Variants in QRFP observed in about 807,000 individuals in gnomAD.
QRFP encodes the protein orexigenic neuropeptide QRFP.
A neutral mutation model predicts 9.1 loss-of-function variants in QRFP; 7 were observed. The observed-to-expected ratio is 0.77, with a 90% CI of 0.44 to 1.45. QRFP has a LOEUF of 1.45. Ranked by LOEUF, QRFP falls within the 40% of genes most tolerant of loss-of-function variation. The pLI is 0.01. For missense variants in QRFP, 204 were observed against 185.4 expected, an observed-to-expected ratio of 1.10 and a Z score of -0.58; for synonymous variants, 91 against 80.2, an observed-to-expected ratio of 1.13 and a Z score of -0.72.
chr9:130,894,483 G>A (rs1229117628), intron 2 of QRFP, among the ~76,000 whole-genome samples: 3 of 152,114 alleles, frequency 2.0e-5, no homozygotes, highest in Non-Finnish European at 4.4e-5. Flanking sequence ...CTGCTTGGTA[G>A]GTCCGGCCAG....
In QRFP at chr9:130,893,384, G is replaced by A. The variant is rs370369553; in HGVS notation, c.*44C>T. On this transcript the variant is annotated 3_prime_UTR_variant, in exon 3 of 3. Coordinates refer to ENST00000623824, the MANE Select transcript of QRFP (RefSeq NM_198180.3). Reference sequence around the variant, plus strand: ...GGAGAAGGCAGGAGTGAAGACAATGGGGGTGAGTCCAAGAAGCAAATCCTT... The same window carrying A: ...GGAGAAGGCAGGAGTGAAGACAATGAGGGTGAGTCCAAGAAGCAAATCCTT... 3.3e-6 allele frequency: 5 copies of A among 1,523,370 alleles called. No homozygotes were observed. In the Middle Eastern group the frequency reaches 7.1e-4, roughly 216 times the overall value. The allele number at this position is 1,523,370 out of a possible 1,614,324, so 94.4% of individuals were successfully genotyped here.
chr9:130,894,095 G>A (rs773916950), intron 2 of QRFP, among the ~76,000 whole-genome samples: 17 of 152,222 alleles, frequency 1.1e-4, no homozygotes, highest in African/African-American at 3.6e-4. Context: ...TAAATCCACC[G>A]CTGCTGGCTG....
At position 130,896,711 on chromosome 9, in the gene QRFP, G is replaced by A. The variant is rs1196180207; in HGVS notation, c.-420C>T. ...CTGAGCGCCCAGGTTCGGGCGGAGG[G>A]TCTGCGGATTGAAGCCGATGACTGA... On this transcript the variant is annotated 5_prime_UTR_variant, in exon 1 of 3. Coordinates refer to ENST00000623824, the MANE Select transcript of QRFP (RefSeq NM_198180.3). The A allele has an allele frequency of 6.6e-6, 1 of 152,284 alleles. No individual in the cohort carries two copies. Among genetic ancestry groups the A allele is most frequent in the Admixed American group, 6.5e-5 (1 of 15,286 alleles). The allele number at this position is 152,284 out of a possible 1,614,324, so 9.4% of individuals were successfully genotyped here. A position where few individuals can be genotyped will look rare whatever the true frequency, so the allele number is the denominator to read the frequency against.
At chr9:130,896,286 G>C (rs1170951455) in intron 1 of QRFP, among the ~76,000 whole-genome samples, 1 of 152,236 alleles carries the variant, frequency 6.6e-6, no homozygotes, top group Non-Finnish European at 1.5e-5. Context: ...TCAGCGGCCT[G>C]TTACCCAGGA....
Position 130,893,199 on chromosome 9 carries a change from C to T in QRFP, c.*229G>A, listed in dbSNP as rs545952340. 5.7e-5 allele frequency: 23 copies of T among 406,312 alleles called. No individual in the cohort carries two copies. The highest frequency in any genetic ancestry group is 6.4e-4 in the Middle Eastern group (1 of 1,570). 25.2% of individuals were successfully genotyped at this position (406,312 alleles called of 1,614,324 possible). On this transcript the variant is annotated 3_prime_UTR_variant, in exon 3 of 3. Coordinates refer to ENST00000623824, the MANE Select transcript of QRFP (RefSeq NM_198180.3). Reference sequence around the variant, plus strand: ...CCCCAGGGGAAGAGAGAGGCTGGGACGACCGAGGCTCCAAGACAGCCTCCT... The same window carrying T: ...CCCCAGGGGAAGAGAGAGGCTGGGATGACCGAGGCTCCAAGACAGCCTCCT...
intron 2 of QRFP, among the ~76,000 whole-genome samples, chr9:130,895,322 G>A (rs928159576): frequency 1.3e-5 from 2 of 152,188 alleles, no homozygotes; most frequent in African/African-American, 4.8e-5. Context: ...TGGGTGTCTA[G>A]AAAGGAGACA....
rs1831701906 is a variant in QRFP, at chr9:130,892,879, G to C, written c.*549C>G. The C allele has an allele frequency of 6.6e-6, 1 of 152,332 alleles. No individual in the cohort carries two copies. The highest frequency in any genetic ancestry group is 2.4e-5 in the African/African-American group (1 of 41,470). The allele number at this position is 152,332 out of a possible 1,614,324, so 9.4% of individuals were successfully genotyped here. On this transcript the variant is annotated 3_prime_UTR_variant, in exon 3 of 3. Transcript: ENST00000623824. ...GCGGAGAAGGGCTGCGGTCAGAGGG[G>C]CAGGCAAACCACAGCAGGGGCTTCT... is the stretch of plus-strand genomic sequence containing the variant.
In QRFP at chr9:130,893,198, A is replaced by G. The variant is rs1198052745; in HGVS notation, c.*230T>C. ...GCCCCAGGGGAAGAGAGAGGCTGGG[A>G]CGACCGAGGCTCCAAGACAGCCTCC... On this transcript the variant is annotated 3_prime_UTR_variant, in exon 3 of 3. Coordinates refer to ENST00000623824, the MANE Select transcript of QRFP (RefSeq NM_198180.3). 5.0e-6 allele frequency: 2 copies of G among 400,450 alleles called. No individual in the cohort carries two copies. Among genetic ancestry groups the G allele is most frequent in the Non-Finnish European group, 8.7e-6 (2 of 228,956 alleles). 24.8% of individuals were successfully genotyped at this position (400,450 alleles called of 1,614,324 possible).
chr9:130,894,982 C>T (rs1341687050), intron 2 of QRFP, among the ~76,000 whole-genome samples: 2 of 152,100 alleles, frequency 1.3e-5, no homozygotes, highest in African/African-American at 2.4e-5. Flanking sequence ...GTACAGGAGT[C>T]CCCAGAGCCC....
chr9:130,893,880 G>C, intron 2 of QRFP, 42 bp from the exon 3 acceptor site: 1 of 1,478,142 alleles, frequency 6.8e-7, no homozygotes, highest in Non-Finnish European at 9.0e-7. Flanking sequence ...GGCTGCACAC[G>C]TGGCCAAGCG....
In QRFP at chr9:130,893,325, ACAT is replaced by A; in HGVS notation, c.*100_*102del. 1 of 1,230,434 alleles carries A rather than the reference ACAT, an allele frequency of 8.1e-7. No individual in the cohort carries two copies. Among genetic ancestry groups the A allele is most frequent in the Non-Finnish European group, 1.1e-6 (1 of 880,130 alleles). The allele number at this position is 1,230,434 out of a possible 1,614,324, so 76.2% of individuals were successfully genotyped here. A position where few individuals can be genotyped will look rare whatever the true frequency, so the allele number is the denominator to read the frequency against. On this transcript the variant is annotated 3_prime_UTR_variant, in exon 3 of 3. Coordinates refer to ENST00000623824, the MANE Select transcript of QRFP (RefSeq NM_198180.3). ...TGGATCGTTCATCGTAACCAAGCCT[ACAT>A]CATCTGGGTGTCGTGGTCTTTGAGA...
At position 130,893,950 on chromosome 9, in the gene QRFP, A is replaced by T. The variant is rs149905606; in HGVS notation, c.1-112T>A. 1,685 of 1,036,136 alleles carry T rather than the reference A, an allele frequency of 1.6e-3. 4 individuals carry two copies. Among genetic ancestry groups the T allele is most frequent in the Non-Finnish European group, 2.0e-3 (1,517 of 744,590 alleles). 64.2% of individuals were successfully genotyped at this position (1,036,136 alleles called of 1,614,324 possible). ...CAGCGTAGATGTGAGCAGGGGGCTC[A>T]GCTGAGCCCGGCTTCCGAGCAGTGC... On this transcript the variant is annotated intron_variant, in intron 2 of 2. Coordinates refer to ENST00000623824, the MANE Select transcript of QRFP (RefSeq NM_198180.3).
At position 130,893,521 on chromosome 9, in the gene QRFP, C is replaced by T. The variant is rs1223558791; in HGVS notation, c.318G>A (p.Glu106=). Residue 106 remains glutamate (E), a synonymous_variant, in exon 3 of 3, where the codon GAG becomes GAA. Coordinates refer to ENST00000623824, the MANE Select transcript of QRFP (RefSeq NM_198180.3). ...EATGFLPAAG[E]KTSGPLGNLA... is the part of the protein sequence containing the mutation. The stretch of plus-strand genomic sequence containing the variant: ...GGTTCCCTAACGGGCCGCTGGTCTT[C>T]TCCCCCGCAGCAGGGAGGAAGCCGG... 4 of 1,612,304 alleles carry T rather than the reference C, an allele frequency of 2.5e-6. No individual in the cohort carries two copies. The South Asian group carries it at 3.3e-5, about 13-fold the overall frequency.
In QRFP at chr9:130,893,548, G is replaced by A. The variant is rs1408973013; in HGVS notation, c.291C>T (p.Ala97=). 1.2e-6 allele frequency: 2 copies of A among 1,612,810 alleles called. No individual in the cohort carries two copies. ...CCCCCGCAGCAGGGAGGAAGCCGGTGGCCTCACTGCCTTCGTCCTGCCTCC... is the reference window on the plus strand; with the variant it reads ...CCCCCGCAGCAGGGAGGAAGCCGGTAGCCTCACTGCCTTCGTCCTGCCTCC... ...RFGRQDEGSE[A]TGFLPAAGEK... The change falls in exon 3 of 3, where the codon GCC becomes GCT. Residue 97 remains alanine (A), a synonymous_variant. Coordinates refer to ENST00000623824, the MANE Select transcript of QRFP (RefSeq NM_198180.3).
In QRFP at chr9:130,893,149, G is replaced by A. The variant is rs535335171; in HGVS notation, c.*279C>T. 8.4e-4 allele frequency: 264 copies of A among 313,428 alleles called. No individual in the cohort carries two copies. The highest frequency in any genetic ancestry group is 3.6e-3 in the African/African-American group (169 of 46,464). The allele number at this position is 313,428 out of a possible 1,614,324, so 19.4% of individuals were successfully genotyped here. On this transcript the variant is annotated 3_prime_UTR_variant, in exon 3 of 3. Transcript: ENST00000623824. ...ACAGCCTCAGCTCCGTGCCCCTGGG[G>A]CCAGGGGGCTGCTCGGAGTCAAAGC...
At position 130,893,683 on chromosome 9, in the gene QRFP, C is replaced by T. The variant is rs1307276485; in HGVS notation, c.156G>A (p.Val52=). The stretch of plus-strand genomic sequence containing the variant: ...CTCTCAGCCACCGAGAGGAACCCCA[C>T]ACGGAGTGGGGTCGGGGCCCCATGG... ...DLAMGPRPHS[V]WGSSRWLRAS... The change falls in exon 3 of 3, where the codon GTG becomes GTA. Residue 52 remains valine (V), a synonymous_variant. Coordinates refer to ENST00000623824, the MANE Select transcript of QRFP (RefSeq NM_198180.3). The T allele has an allele frequency of 2.5e-6, 4 of 1,607,404 alleles. No individual in the cohort carries two copies. Among genetic ancestry groups the T allele is most frequent in the East Asian group, 2.2e-5 (1 of 44,778 alleles).
chr9:130,894,153 C>T (rs577874693), intron 2 of QRFP, among the ~76,000 whole-genome samples: 8 of 152,294 alleles, frequency 5.3e-5, no homozygotes, highest in African/African-American at 1.7e-4. Flanking sequence ...AATGTATGCT[C>T]ATTTTTCTCT....
chr9:130,896,213 C>A (rs191617100), intron 1 of QRFP, among the ~76,000 whole-genome samples: 1 of 152,172 alleles, frequency 6.6e-6, no homozygotes, highest in East Asian at 1.9e-4. Context: ...CCATGAGGCC[C>A]GTGTTTCACA....
chr9:130,896,400 C>G (rs755199399), intron 1 of QRFP, among the ~76,000 whole-genome samples, 177 bp downstream of exon 1: 1 of 152,148 alleles, frequency 6.6e-6, no homozygotes, highest in African/African-American at 2.4e-5. Context: ...CTACTGTCAC[C>G]GAGGGTCACC....
Sources: gnomAD v4.1 joint callset for allele counts (sites outside exome capture counted in the v4.1 genomes callset) on GRCh38, gnomAD v4.1.1 for gene constraint, MANE v1.5 for transcripts, NCBI Gene and HGNC (gene_info 2026-07-23, HGNC 2026-07-21) for gene names.